Variants in SIRPG observed in about 807,000 individuals in gnomAD.
SIRPG encodes the protein signal-regulatory protein gamma.
SIRPG carries 38 observed loss-of-function variants against 35.7 expected under a neutral mutation model. The observed-to-expected ratio is 1.06, with a 90% CI of 0.82 to 1.40. The LOEUF is 1.40. SIRPG is among the 40% of genes most tolerant of loss of function. The pLI, the probability that SIRPG is intolerant of heterozygous loss-of-function variation, is 0.00. For synonymous variants in SIRPG, 215 were observed against 190.4 expected, an observed-to-expected ratio of 1.13 and a Z score of -1.06; for missense variants, 519 against 483.0, an observed-to-expected ratio of 1.07 and a Z score of -0.70.
chr20:1,641,925 G>A (rs1244880514), intron 2 of SIRPG, among the ~76,000 whole-genome samples: 2 of 152,188 alleles, frequency 1.3e-5, no homozygotes, highest in Admixed American at 1.3e-4. Context: ...TTAATTCTGA[G>A]TTCTAATTTG....
chr20:1,661,706 A>G (rs539755998), upstream of SIRPG, among the ~76,000 whole-genome samples: 1 of 152,330 alleles, frequency 6.6e-6, no homozygotes, highest in South Asian at 2.1e-4. Context: ...AGAAAGGGCC[A>G]TGAGACTGGG....
At chr20:1,637,483 A>G (rs1334760234) in intron 2 of SIRPG, 1 of 163,562 alleles carries the variant, frequency 6.1e-6, no homozygotes. Flanking sequence ...AGTCCCCAGT[A>G]CAAAACTTTT....
intron 2 of SIRPG, among the ~76,000 whole-genome samples, chr20:1,636,916 C>T (rs990396382): frequency 5.3e-5 from 8 of 152,298 alleles, no homozygotes; most frequent in Admixed American, 6.5e-5. Flanking sequence ...GGCAAAGTGG[C>T]GCCACCATGA....
intron 1 of SIRPG, among the ~76,000 whole-genome samples, chr20:1,650,369 A>T (rs1030575506): frequency 6.6e-6 from 1 of 152,232 alleles, no homozygotes. Context: ...CAGCAGGGAT[A>T]TAAACACATT....
chr20:1,661,954 T>G (rs1399463431), upstream of SIRPG, among the ~76,000 whole-genome samples: 1 of 152,158 alleles, frequency 6.6e-6, no homozygotes, highest in Non-Finnish European at 1.5e-5. Flanking sequence ...AGCTTGCAAT[T>G]TCAGAGACCA....
the SIRPG span, among the ~76,000 whole-genome samples, chr20:1,670,425 C>T: frequency 6.6e-6 from 1 of 152,180 alleles, no homozygotes. Context: ...CAACGCCCAG[C>T]ACACAGTAGG....
chr20:1,641,094 G>T (rs754199061), intron 2 of SIRPG, among the ~76,000 whole-genome samples: 2 of 152,164 alleles, frequency 1.3e-5, no homozygotes, highest in Non-Finnish European at 2.9e-5. Context: ...TCTCTGCCAG[G>T]CTTTGGCATC....
rs2091917912 is a variant in SIRPG, at chr20:1,649,039, A to T, written c.430+13T>A. ...ACACATCAGGGGATGAGGGAGGTCCATGTTGTACTCACCACCCAAAGCCAT... is the reference window on the plus strand; with the variant it reads ...ACACATCAGGGGATGAGGGAGGTCCTTGTTGTACTCACCACCCAAAGCCAT... On this transcript the variant is annotated intron_variant, in intron 2 of 5. Coordinates refer to ENST00000303415, the MANE Select transcript of SIRPG (RefSeq NM_018556.4). The T allele has an allele frequency of 3.1e-6, 5 of 1,605,002 alleles. No individual in the cohort carries two copies. Among genetic ancestry groups the T allele is most frequent in the Non-Finnish European group, 4.3e-6 (5 of 1,172,242 alleles).
At position 1,636,355 on chromosome 20, in the gene SIRPG, G is replaced by A; in HGVS notation, c.581C>T (p.Thr194Ile). The change falls in exon 3 of 6, where the codon ACC (threonine) becomes ATC (isoleucine). Residue 194 changes from threonine (T) to isoleucine (I), a missense_variant. Physicochemically the swap from Thr to Ile is moderately conservative, Grantham distance 89. Transcript: ENST00000303415. ...ACTCTGTCCTGTGGGGTCCACGTTG[G>A]TCTGGAAGTCTGAGAGCTCATTCCC... ...KNGNELSDFQ[T>I]NVDPTGQSVA... 1 of 1,614,240 alleles carries A rather than the reference G, an allele frequency of 6.2e-7. No individual in the cohort carries two copies. Among genetic ancestry groups the A allele is most frequent in the East Asian group, 2.2e-5 (1 of 44,884 alleles).
At chr20:1,639,157 A>G (rs1176036650) in intron 2 of SIRPG, among the ~76,000 whole-genome samples, 1 of 152,062 alleles carries the variant, frequency 6.6e-6, no homozygotes, top group African/African-American at 2.4e-5. Flanking sequence ...TGCTGGGTCA[A>G]ATGGTATCTC....
chr20:1,654,808 A>G (rs73080800), intron 1 of SIRPG, among the ~76,000 whole-genome samples: 5,908 of 152,310 alleles, frequency 0.039, 139 homozygotes, highest in Middle Eastern at 0.058. Context: ...CAGTATACAA[A>G]ATATATAAGG....
the SIRPG span, among the ~76,000 whole-genome samples, chr20:1,676,385 A>G: frequency 2.0e-5 from 3 of 152,218 alleles, no homozygotes; most frequent in Admixed American, 6.5e-5. Flanking sequence ...AGCAACTTAC[A>G]TATTTATCAA....
chr20:1,656,062 A>G (rs984985217), intron 1 of SIRPG, among the ~76,000 whole-genome samples: 4 of 152,258 alleles, frequency 2.6e-5, no homozygotes, highest in African/African-American at 4.8e-5. Flanking sequence ...TTTGGCACAT[A>G]GAAACCATCC....
At chr20:1,668,247 CTTTT>C in the SIRPG span, among the ~76,000 whole-genome samples, 1 of 55,460 alleles carries the variant, frequency 1.8e-5, no homozygotes, top group Non-Finnish European at 4.1e-5. Flanking sequence ...TTCTTTCTTT[CTTTT>C]TCTTTTTCTT....
the SIRPG span, among the ~76,000 whole-genome samples, chr20:1,682,836 G>A: frequency 6.6e-6 from 1 of 152,096 alleles, no homozygotes; most frequent in African/African-American, 2.4e-5. Context: ...CACAACAGAA[G>A]CAAAAATAGA....
At position 1,657,770 on chromosome 20, in the gene SIRPG, G is replaced by T. The variant is rs1600230551; in HGVS notation, c.-56C>A. On this transcript the variant is annotated 5_prime_UTR_variant, in exon 1 of 6. Transcript: ENST00000303415. ...AACGTCTGTTCTGGGGAGATGTCAG[G>T]CCCTGCTCTGAAGACAGAAGACAAG... The T allele has an allele frequency of 5.9e-6, 9 of 1,525,268 alleles. No homozygotes were observed. Among genetic ancestry groups the T allele is most frequent in the East Asian group, 2.3e-5 (1 of 44,224 alleles). 94.5% of individuals were successfully genotyped at this position (1,525,268 alleles called of 1,614,324 possible). A position where few individuals can be genotyped will look rare whatever the true frequency, so the allele number is the denominator to read the frequency against.
At chr20:1,654,871 G>T (rs1428963036) in intron 1 of SIRPG, among the ~76,000 whole-genome samples, 3 of 152,082 alleles carry the variant, frequency 2.0e-5, no homozygotes, top group African/African-American at 7.2e-5. Flanking sequence ...ATGGGCCAAA[G>T]ATCCGAATAG....
intron 2 of SIRPG, among the ~76,000 whole-genome samples, chr20:1,638,683 T>C (rs1057009506): frequency 2.0e-4 from 30 of 152,284 alleles, no homozygotes; most frequent in African/African-American, 7.2e-4. Context: ...ATGTTTGCCA[T>C]GGTGGTTTGC....
chr20:1,647,081 G>A (rs2091903385), intron 2 of SIRPG: 1 of 151,052 alleles, frequency 6.6e-6, no homozygotes, highest in Non-Finnish European at 1.5e-5. Flanking sequence ...TGTAAGTCAG[G>A]CTGGTGGGGA....
Sources: gnomAD v4.1 joint callset for allele counts (sites outside exome capture counted in the v4.1 genomes callset) on GRCh38, gnomAD v4.1.1 for gene constraint, MANE v1.5 for transcripts, NCBI Gene and HGNC (gene_info 2026-07-23, HGNC 2026-07-21) for gene names.